The following MTA3 variants were observed in gnomAD, a reference collection of about 807,000 sequenced individuals.
MTA3 encodes metastasis-associated protein MTA3.
A neutral mutation model predicts 83.5 loss-of-function variants in MTA3; 34 were observed. The observed-to-expected ratio is 0.41, with a 90% CI of 0.31 to 0.54. MTA3 has a LOEUF of 0.54. Among genes scored for constraint, MTA3 ranks in the 20% least tolerant of loss-of-function variants. The pLI is 0.33. For missense variants in MTA3, 761 were observed against 726.4 expected (o/e 1.05, Z -0.55); for synonymous variants, 303 against 252.7 (o/e 1.20, Z -1.89).
At chr2:42,599,995 G>T (rs1033960296) in intron 3 of MTA3, among the ~76,000 whole-genome samples, 1 of 150,784 alleles carries the variant, frequency 6.6e-6, no homozygotes, top group Non-Finnish European at 1.5e-5. Flanking sequence ...AGGAGATTGA[G>T]ACCATCCTGG....
At chr2:42,671,390 G>A (rs2104407216) in intron 8 of MTA3, among the ~76,000 whole-genome samples, 1 of 150,670 alleles carries the variant, frequency 6.6e-6, no homozygotes, top group South Asian at 2.1e-4. Flanking sequence ...TTTGCCTGAG[G>A]TTTCTTTATT....
At chr2:42,546,065 TC>T (rs1290653827) in intron 2 of MTA3, among the ~76,000 whole-genome samples, 2 of 152,156 alleles carry the variant, frequency 1.3e-5, no homozygotes, top group Admixed American at 1.3e-4. Flanking sequence ...AATTGGCTGA[TC>T]CGGGAATTCA....
At chr2:42,688,132 A>G (rs1162934518) in intron 9 of MTA3, among the ~76,000 whole-genome samples, 1 of 152,210 alleles carries the variant, frequency 6.6e-6, no homozygotes, top group East Asian at 1.9e-4. Flanking sequence ...CAGGTGTGGC[A>G]TGATCATAGC....
At chr2:42,521,535 A>T (rs574337571) in intron 2 of MTA3, among the ~76,000 whole-genome samples, 3 of 152,134 alleles carry the variant, frequency 2.0e-5, no homozygotes, top group African/African-American at 7.2e-5. Context: ...TACCACCTTC[A>T]TGGGCAACTC....
intron 16 of MTA3, among the ~76,000 whole-genome samples, chr2:42,725,800 G>A (rs559234144): frequency 1.3e-5 from 2 of 152,186 alleles, no homozygotes; most frequent in Admixed American, 6.5e-5. Flanking sequence ...TCCTTCTAGC[G>A]CCCTGCTGGT....
chr2:42,612,768 G>A (rs1263690412), intron 4 of MTA3, among the ~76,000 whole-genome samples: 1 of 152,130 alleles, frequency 6.6e-6, no homozygotes, highest in Non-Finnish European at 1.5e-5. Context: ...GGCTGAGGCA[G>A]AAGAATCATT....
At chr2:42,506,330 T>G (rs1323535406) in intron 2 of MTA3, among the ~76,000 whole-genome samples, 1 of 151,864 alleles carries the variant, frequency 6.6e-6, no homozygotes, top group Non-Finnish European at 1.5e-5. Context: ...ACTCTATGCC[T>G]GTGATCCCAG....
intron 8 of MTA3, among the ~76,000 whole-genome samples, chr2:42,677,831 C>G (rs2104425517): frequency 6.6e-6 from 1 of 152,280 alleles, no homozygotes; most frequent in South Asian, 2.1e-4. Flanking sequence ...TTGTCTTGAT[C>G]AGCAGTGTGA....
intron 4 of MTA3, among the ~76,000 whole-genome samples, chr2:42,616,288 C>A (rs1416233041): frequency 2.0e-5 from 3 of 151,886 alleles, no homozygotes; most frequent in African/African-American, 7.3e-5. Flanking sequence ...GCCTCGAACT[C>A]CTGACTTCAG....
rs139822187 is a variant in MTA3 at position 42,625,025 on chromosome 2, C to T, written c.318-15148C>T. Among the ~76,000 whole-genome samples, 562 of 151,988 alleles carry T rather than the reference C, an allele frequency of 3.7e-3. 17 individuals are homozygous for T. Among genetic ancestry groups the T allele is most frequent in the East Asian group, 9.7e-4 (5 of 5,170 alleles). On this transcript the variant is annotated intron_variant, in intron 4 of 16. Transcript: ENST00000405094. Reference sequence around the variant, plus strand: ...CCATTGTAATTTGAAGATCTGTTTTCCTTTATTTACTTTTTTATTTTTTTG... The same window carrying T: ...CCATTGTAATTTGAAGATCTGTTTTTCTTTATTTACTTTTTTATTTTTTTG...
intron 9 of MTA3, among the ~76,000 whole-genome samples, chr2:42,689,838 C>CAAAAAAAA (rs36044592): frequency 7.2e-6 from 1 of 139,346 alleles, no homozygotes; most frequent in Non-Finnish European, 1.5e-5. Context: ...TTGAACTTTG[C>CAAAAAAAA]AAAAAAAAAA....
intron 2 of MTA3, among the ~76,000 whole-genome samples, chr2:42,573,657 C>T (rs1441055702): frequency 3.9e-5 from 6 of 151,916 alleles, no homozygotes; most frequent in African/African-American, 1.2e-4. Context: ...ATTACAGGCG[C>T]CCAACACCAT....
chr2:42,532,844 A>T, intron 2 of MTA3: 1 of 388,544 alleles, frequency 2.6e-6, no homozygotes, highest in Non-Finnish European at 5.1e-6. Flanking sequence ...CTCTGGGTGG[A>T]GCTGGCTGGC....
At chr2:42,495,689 C>T (rs763953946) in intron 2 of MTA3, among the ~76,000 whole-genome samples, 4 of 152,058 alleles carry the variant, frequency 2.6e-5, no homozygotes, top group Non-Finnish European at 5.9e-5. Flanking sequence ...TCAACTGCAG[C>T]ATTTAAATTG....
At position 42,743,945 on chromosome 2, in the gene MTA3, TA is replaced by T. The variant is rs200619152; in HGVS notation, c.1760-9421del. Among the ~76,000 whole-genome samples the T allele has an allele frequency of 3.6e-3, 542 of 152,234 alleles. 5 individuals are homozygous for T. The highest frequency in any genetic ancestry group is 5.3e-3 in the Non-Finnish European group (361 of 68,012). ...ATGCCATTTCAAAAGACTGCAGTTTTAAAAAAAACTTTTAAAACATTGTCTC... is the reference window on the plus strand; with the variant it reads ...ATGCCATTTCAAAAGACTGCAGTTTTAAAAAAACTTTTAAAACATTGTCTC... On this transcript the variant is annotated intron_variant, in intron 16 of 16. Transcript: ENST00000405094.
At chr2:42,640,529 T>C (rs1687609555) in intron 5 of MTA3, among the ~76,000 whole-genome samples, 1 of 152,228 alleles carries the variant, frequency 6.6e-6, no homozygotes, top group South Asian at 2.1e-4. Flanking sequence ...ATGAAATTAA[T>C]GCTTTAGTGT....
intron 16 of MTA3, among the ~76,000 whole-genome samples, chr2:42,732,101 G>A (rs530294112): frequency 2.6e-5 from 4 of 152,314 alleles, no homozygotes; most frequent in Non-Finnish European, 5.9e-5. Flanking sequence ...GTGGAGGACG[G>A]TGGCCCTCTT....
chr2:42,590,631 T>A (rs1164241220), intron 3 of MTA3, among the ~76,000 whole-genome samples: 23 of 55,700 alleles, frequency 4.1e-4, no homozygotes, highest in African/African-American at 1.8e-3. Context: ...TTTTTTTTTT[T>A]TGTGAGGTGG....
At chr2:42,740,456 A>T (rs1668945390) in intron 16 of MTA3, among the ~76,000 whole-genome samples, 2 of 152,202 alleles carry the variant, frequency 1.3e-5, no homozygotes, top group Non-Finnish European at 2.9e-5. Flanking sequence ...AGGCCCAGTG[A>T]GCCATGTCAC....
Sources: gnomAD v4.1 joint callset for allele counts (sites outside exome capture counted in the v4.1 genomes callset) on GRCh38, gnomAD v4.1.1 for gene constraint, MANE v1.5 for transcripts, NCBI Gene and HGNC (gene_info 2026-07-23, HGNC 2026-07-21) for gene names.